TMEM250: variants seen among roughly 807,000 people sequenced by gnomAD.
TMEM250 encodes the protein herpes virus UL25-binding protein.
A neutral mutation model predicts 7.0 loss-of-function variants in TMEM250; 7 were observed. That is an observed-to-expected ratio of 1.00 (90% CI 0.57 to 1.87). The LOEUF (loss-of-function observed/expected upper bound fraction) is 1.87. TMEM250 is among the 40% of genes most tolerant of loss of function. The probability of loss-of-function intolerance (pLI) is 0.00; values close to 1 mark genes in which losing one functional copy is unlikely to be tolerated. For missense variants in TMEM250, 196 were observed against 202.5 expected (o/e 0.97, Z 0.19); for synonymous variants, 135 against 96.7 (o/e 1.40, Z -2.32).
In TMEM250 at chr9:136,116,037, T is replaced by TGGGGCC. The variant is rs1830694313; in HGVS notation, c.*438_*443dup. On this transcript the variant is annotated 3_prime_UTR_variant, in exon 2 of 2. Coordinates refer to ENST00000418388, the MANE Select transcript of TMEM250 (RefSeq NM_152833.3). ...CCTTCCGTGTCCCGTTGGCTGGGGC[T>TGGGGCC]GGGGCCAGGGCACGCAGAAGGGGCT... 2 of 410,512 alleles carry TGGGGCC rather than the reference T, an allele frequency of 4.9e-6. No individual in the cohort carries two copies. The highest frequency in any genetic ancestry group is 8.6e-6 in the Non-Finnish European group (2 of 233,820). The allele number at this position is 410,512 out of a possible 1,614,324, so 25.4% of individuals were successfully genotyped here.
In TMEM250 at chr9:136,115,980, T is replaced by A. The variant is rs1305441654; in HGVS notation, c.*501A>T. On this transcript the variant is annotated 3_prime_UTR_variant, in exon 2 of 2. Transcript: ENST00000418388. ...GGCGGCCCAGGGCAGAGTAAGCAGC[T>A]TTGTGGCAGTGTGGTGTGTCAGCGA... is the stretch of plus-strand genomic sequence containing the variant. 2 of 406,352 alleles carry A rather than the reference T, an allele frequency of 4.9e-6. No individual in the cohort carries two copies. The highest frequency in any genetic ancestry group is 4.3e-6 in the Non-Finnish European group (1 of 231,678). The allele number at this position is 406,352 out of a possible 1,614,324, so 25.2% of individuals were successfully genotyped here. A position where few individuals can be genotyped will look rare whatever the true frequency, so the allele number is the denominator to read the frequency against.
chr9:136,116,993 G>A lies in TMEM250; in HGVS notation c.-93C>T. 1 of 1,358,658 alleles carries A rather than the reference G, an allele frequency of 7.4e-7. No individual in the cohort carries two copies. Among genetic ancestry groups the A allele is most frequent in the African/African-American group, 1.5e-5 (1 of 64,542 alleles). The allele number at this position is 1,358,658 out of a possible 1,614,324, so 84.2% of individuals were successfully genotyped here. A position where few individuals can be genotyped will look rare whatever the true frequency, so the allele number is the denominator to read the frequency against. On this transcript the variant is annotated 5_prime_UTR_variant, in exon 2 of 2. Transcript: ENST00000418388. The stretch of plus-strand genomic sequence containing the variant: ...GGGTCATGGGCGCCTAGGCCTGGGA[G>A]CCCGCAGCTGACCCTGGGGGGAGGC...
In TMEM250 at chr9:136,116,014, TTCCGTG is replaced by T; in HGVS notation, c.*461_*466del. On this transcript the variant is annotated 3_prime_UTR_variant, in exon 2 of 2. Transcript: ENST00000418388. The stretch of plus-strand genomic sequence containing the variant: ...GTGTGGTGTGTCAGCGAGGGGAGCC[TTCCGTG>T]TCCCGTTGGCTGGGGCTGGGGCCAG... 2.5e-6 allele frequency: 1 copy of T among 406,042 alleles called. No individual in the cohort carries two copies. The highest frequency in any genetic ancestry group is 4.3e-6 in the Non-Finnish European group (1 of 231,212). The allele number at this position is 406,042 out of a possible 1,614,324, so 25.2% of individuals were successfully genotyped here.
Position 136,116,880 on chromosome 9 carries a change from C to T in TMEM250, c.21G>A (p.Pro7=), listed in dbSNP as rs1159750749. 12 of 1,572,954 alleles carry T rather than the reference C, an allele frequency of 7.6e-6. No homozygotes were observed. The highest frequency in any genetic ancestry group is 1.1e-5 in the South Asian group (1 of 88,212). The change falls in exon 2 of 2, where the codon CCG becomes CCA. Residue 7 remains proline (P), a synonymous_variant. Coordinates refer to ENST00000418388, the MANE Select transcript of TMEM250 (RefSeq NM_152833.3). ...GGCCGTGGAAGGAGCGCACCCGCCG[C>T]GGAATGGGCATGACCGGCATTGGGC... MPVMPI[P]RRVRSFHGPH...
In TMEM250 at chr9:136,116,531, G is replaced by A. The variant is rs780768560; in HGVS notation, c.370C>T (p.Leu124=). The change falls in exon 2 of 2, where the codon CTG becomes TTG. Residue 124 remains leucine (L), a synonymous_variant. Transcript: ENST00000418388. ...CACCAGCCCAGGCCCCCGACCAGCA[G>A]CATGGTGACGTGGATGCCATAGACG... The part of the protein sequence containing the change: ...LLVYGIHVTM[L]LVGGLGWCFM... The A allele has an allele frequency of 5.0e-6, 8 of 1,589,772 alleles. No individual in the cohort carries two copies. Among genetic ancestry groups the A allele is most frequent in the Admixed American group, 1.7e-5 (1 of 58,404 alleles).
intron 1 of TMEM250, 111 bp downstream of exon 1, chr9:136,118,374 G>C (rs1050268001): frequency 2.6e-5 from 4 of 151,946 alleles, no homozygotes; most frequent in African/African-American, 9.7e-5. Context: ...GCGCCGCGCC[G>C]CGCCGGGCCC....
In TMEM250 at chr9:136,116,795, T is replaced by C. The variant is rs1830712984; in HGVS notation, c.106A>G (p.Thr36Ala). 1.2e-6 allele frequency: 2 copies of C among 1,611,754 alleles called. No homozygotes were observed. Among genetic ancestry groups the C allele is most frequent in the South Asian group, 1.1e-5 (1 of 91,064 alleles). The change falls in exon 2 of 2, where the codon ACC becomes GCC. Residue 36 changes from threonine (T) to alanine (A), a missense_variant. Thr to Ala is a moderately conservative substitution (Grantham distance 58). Transcript: ENST00000418388. ...TACACGTCGAAGTTGTTGTACTTGG[T>C]GCGGGCCAGGTGGGAGGCGCGCACG... ...GPVRASHLAR[T>A]KYNNFDVYIK...
In TMEM250 at chr9:136,118,862, C is replaced by T. The variant is rs937379383; in HGVS notation, c.-502G>A. ...CTGGGCGTCCCGGACTCGTCGCTTC[C>T]CGAGGGCGTGCGTGCGTGCGTGCGT... is the stretch of plus-strand genomic sequence containing the variant. On this transcript the variant is annotated 5_prime_UTR_variant, in exon 1 of 2. Coordinates refer to ENST00000418388, the MANE Select transcript of TMEM250 (RefSeq NM_152833.3). The T allele has an allele frequency of 6.6e-6, 1 of 152,178 alleles. No homozygotes were observed. Among genetic ancestry groups the T allele is most frequent in the East Asian group, 1.9e-4 (1 of 5,180 alleles). 9.4% of individuals were successfully genotyped at this position (152,178 alleles called of 1,614,324 possible). A position where few individuals can be genotyped will look rare whatever the true frequency, so the allele number is the denominator to read the frequency against.
rs1830681720 is a variant in TMEM250, at chr9:136,115,430, G to C, written c.*1051C>G. 1 of 152,336 alleles carries C rather than the reference G, an allele frequency of 6.6e-6. No individual in the cohort carries two copies. The highest frequency in any genetic ancestry group is 1.5e-5 in the Non-Finnish European group (1 of 68,110). 9.4% of individuals were successfully genotyped at this position (152,336 alleles called of 1,614,324 possible). On this transcript the variant is annotated 3_prime_UTR_variant, in exon 2 of 2. Transcript: ENST00000418388. ...TGGGCCCCCCAGACACTGGAGGACA[G>C]CGTGAGATAAGATCTCAGCATATAC...
Position 136,116,517 on chromosome 9 carries a change from G to A in TMEM250, c.384C>T (p.Gly128=). ...CGAAGACCATGAAGCACCAGCCCAG[G>A]CCCCCGACCAGCAGCATGGTGACGT... ...GIHVTMLLVG[G]LGWCFMVFVD... Residue 128 remains glycine, a synonymous_variant, in exon 2 of 2, where the codon GGC becomes GGT. Coordinates refer to ENST00000418388, the MANE Select transcript of TMEM250 (RefSeq NM_152833.3). 1.3e-6 allele frequency: 2 copies of A among 1,576,694 alleles called. No homozygotes were observed. Among genetic ancestry groups the A allele is most frequent in the Non-Finnish European group, 1.7e-6 (2 of 1,169,434 alleles).
Position 136,116,286 on chromosome 9 carries a change from G to C in TMEM250, c.*195C>G, listed in dbSNP as rs1830698895. The C allele has an allele frequency of 8.6e-7, 1 of 1,166,094 alleles. No individual in the cohort carries two copies. Among genetic ancestry groups the C allele is most frequent in the African/African-American group, 1.6e-5 (1 of 64,422 alleles). 72.2% of individuals were successfully genotyped at this position (1,166,094 alleles called of 1,614,324 possible). Reference sequence around the variant, plus strand: ...CCCTGAGAGTGCATACGGGGAGGGTGGGTCCAGGAAGCCAGCCTAGGGGTG... The same window carrying C: ...CCCTGAGAGTGCATACGGGGAGGGTCGGTCCAGGAAGCCAGCCTAGGGGTG... On this transcript the variant is annotated 3_prime_UTR_variant, in exon 2 of 2. Transcript: ENST00000418388.
In TMEM250 at chr9:136,116,673, G is replaced by A; in HGVS notation, c.228C>T (p.Leu76=). Reference sequence around the variant, plus strand: ...GAACGCCCAGGTACTGTAGGCAGAAGAGGGCGGCCAGCGCACCCCAGAGCG... The same window carrying A: ...GAACGCCCAGGTACTGTAGGCAGAAAAGGGCGGCCAGCGCACCCCAGAGCG... ...TAALWGALAA[L]FCLQYLGVRV... Residue 76 remains leucine, a synonymous_variant, in exon 2 of 2, where the codon CTC becomes CTT. Transcript: ENST00000418388. 4 of 1,612,168 alleles carry A rather than the reference G, an allele frequency of 2.5e-6. No individual in the cohort carries two copies. The highest frequency in any genetic ancestry group is 1.3e-5 in the African/African-American group (1 of 75,062).
chr9:136,116,856 G>T lies in TMEM250; in HGVS notation c.45C>A (p.Gly15=). 1 of 1,588,348 alleles carries T rather than the reference G, an allele frequency of 6.3e-7. No homozygotes were observed. ...CCGCATGCAGGCAGGTGGTGTGCGG[G>T]CCGTGGAAGGAGCGCACCCGCCGCG... ...PIPRRVRSFH[G]PHTTCLHAAC... Residue 15 remains glycine (G), a synonymous_variant, in exon 2 of 2, where the codon GGC becomes GGA. Transcript: ENST00000418388.
At chr9:136,118,223 G>A (rs1281233309) in intron 1 of TMEM250, 3 of 121,226 alleles carry the variant, frequency 2.5e-5, no homozygotes, top group Non-Finnish European at 3.9e-5. Context: ...TGTCCCCGCA[G>A]GGTCTCGCGG....
intron 1 of TMEM250, 26 bp from the exon 2 acceptor site, chr9:136,117,050 G>A (rs1302043509): frequency 3.9e-6 from 5 of 1,283,200 alleles, no homozygotes; most frequent in Non-Finnish European, 5.0e-6. Flanking sequence ...CAAAACCCAC[G>A]TCAGTATGAG....
intron 1 of TMEM250, chr9:136,117,934 G>C (rs1164167043): frequency 1.3e-5 from 2 of 152,316 alleles, no homozygotes; most frequent in Non-Finnish European, 2.9e-5. Flanking sequence ...AGGAAAGTTG[G>C]TAACATTACA....
chr9:136,115,521 C>A lies in TMEM250; in HGVS notation c.*960G>T, dbSNP rs976821289. 4.6e-5 allele frequency: 7 copies of A among 152,378 alleles called. No homozygotes were observed. The highest frequency in any genetic ancestry group is 1.3e-4 in the Admixed American group (2 of 15,292). 9.4% of individuals were successfully genotyped at this position (152,378 alleles called of 1,614,324 possible). On this transcript the variant is annotated 3_prime_UTR_variant, in exon 2 of 2. Coordinates refer to ENST00000418388, the MANE Select transcript of TMEM250 (RefSeq NM_152833.3). Reference sequence around the variant, plus strand: ...GGCTGTGTTTGCCGCACTGAGGCCTCTGCCGCCTGCTCCGGACACTTGGGA... The same window carrying A: ...GGCTGTGTTTGCCGCACTGAGGCCTATGCCGCCTGCTCCGGACACTTGGGA...
At position 136,117,532 on chromosome 9, in the gene TMEM250, C is replaced by T. The variant is rs1426728964; in HGVS notation, c.-124-508G>A. Among the ~76,000 whole-genome samples the T allele has an allele frequency of 3.9e-5, 6 of 152,362 alleles. No homozygotes were observed. The South Asian group carries it at 6.2e-4, about 16-fold the overall frequency. On this transcript the variant is annotated intron_variant, in intron 1 of 1. Coordinates refer to ENST00000418388, the MANE Select transcript of TMEM250 (RefSeq NM_152833.3). ...CCAGGGCTCGCAGGTGAACCGAAAA[C>T]GAGCCCGGCGGGAGCAGGTGACTCC...
chr9:136,116,719 C>T lies in TMEM250; in HGVS notation c.182G>A (p.Ser61Asn). ...GAGCGCCGCAGTGAACAGGCTGCAG[C>T]TAAAGTAGAGTAGGAAGCGGATGAA... is the stretch of plus-strand genomic sequence containing the variant. ...YGFIRFLLYFSCSLFTAALWG... is the reference protein window; with the variant it reads ...YGFIRFLLYFNCSLFTAALWG... The change falls in exon 2 of 2, where the codon AGC (serine) becomes AAC (asparagine). Residue 61 changes from serine to asparagine, a missense_variant. Transcript: ENST00000418388. 1 of 1,612,486 alleles carries T rather than the reference C, an allele frequency of 6.2e-7. No individual in the cohort carries two copies. The highest frequency in any genetic ancestry group is 8.5e-7 in the Non-Finnish European group (1 of 1,179,748).
Sources: allele counts gnomAD v4.1 joint callset (sites outside exome capture counted in the v4.1 genomes callset), GRCh38; gene constraint gnomAD v4.1.1; transcripts MANE v1.5; gene names NCBI Gene and HGNC (gene_info 2026-07-23, HGNC 2026-07-21).